The following TRO variants were observed in gnomAD, a reference collection of about 807,000 sequenced individuals.
TRO encodes the protein MAGE superfamily protein.
TRO carries 29 observed loss-of-function variants against 42.3 expected under a neutral mutation model. The observed-to-expected ratio is 0.68, with a 90% CI of 0.51 to 0.93. The LOEUF (loss-of-function observed/expected upper bound fraction) is 0.93. TRO is among the 40% of genes least tolerant of loss of function. TRO has a pLI of 0.00. For synonymous variants in TRO, 384 were observed against 425.2 expected (o/e 0.90, Z 1.19); for missense variants, 963 against 1,127.7 (o/e 0.85, Z 2.09).
chrX:54,923,412 G>A lies in TRO; in HGVS notation c.880G>A (p.Ala294Thr), dbSNP rs1444373283. 1.7e-6 allele frequency: 2 copies of A among 1,198,051 alleles called. No individual in the cohort carries two copies. Among genetic ancestry groups the A allele is most frequent in the African/African-American group, 3.5e-5 (2 of 57,084 alleles). Reference protein sequence around the residue: ...ATRQIEASVVAIRPKKSKGKK... With the variant: ...ATRQIEASVVTIRPKKSKGKK... ...CAGGCAGATTGAGGCCTCAGTAGTG[G>A]CTATCAGGCCCAAAAAATCCAAGGG... The change falls in exon 3 of 13, where the codon GCT becomes ACT. Residue 294 changes from alanine (A) to threonine (T), a missense_variant. Physicochemically the swap from Ala to Thr is moderately conservative, Grantham distance 58. Coordinates refer to ENST00000173898, the MANE Select transcript of TRO (RefSeq NM_001039705.3).
At position 54,925,689 on chromosome X, in the gene TRO, C is replaced by A; in HGVS notation, c.1577+6C>A. ...TCTGCAGGCATACTGGGAACGTAAGCTGGGAAAGGGCTGGAGTGGGAAGGA... is the reference window on the plus strand; with the variant it reads ...TCTGCAGGCATACTGGGAACGTAAGATGGGAAAGGGCTGGAGTGGGAAGGA... On this transcript the variant is annotated splice_donor_region_variant and intron_variant, in intron 7 of 12. Coordinates refer to ENST00000173898, the MANE Select transcript of TRO (RefSeq NM_001039705.3). The A allele has an allele frequency of 8.4e-7, 1 of 1,193,390 alleles. No individual in the cohort carries two copies. The highest frequency in any genetic ancestry group is 1.1e-6 in the Non-Finnish European group (1 of 879,575).
chrX:54,924,785 C>T, intron 5 of TRO, 52 bp downstream of exon 5: 1 of 1,143,583 alleles, frequency 8.7e-7, no homozygotes, highest in Non-Finnish European at 1.2e-6. Flanking sequence ...CTCCCCTCTC[C>T]TCCCATAGTC....
chrX:54,923,009 T>C lies in TRO; in HGVS notation c.477T>C (p.His159=). Residue 159 remains histidine (H), a synonymous_variant, in exon 3 of 13, where the codon CAT becomes CAC. Transcript: ENST00000173898. ...AAQGSQSPTG[H]EGGTIQLKSP... is the part of the protein sequence containing the mutation. ...AAGGCTCCCAATCCCCAACTGGCCA[T>C]GAGGGTGGCACTATACAGCTGAAGT... 8.3e-7 allele frequency: 1 copy of C among 1,212,107 alleles called. No homozygotes were observed. Among genetic ancestry groups the C allele is most frequent in the Non-Finnish European group, 1.1e-6 (1 of 895,621 alleles).
chrX:54,926,235 C>A (rs1477880615), intron 7 of TRO, among the ~76,000 whole-genome samples, 175 bp from the exon 8 acceptor site: 2 of 112,351 alleles, frequency 1.8e-5, no homozygotes, highest in Non-Finnish European at 3.8e-5. Context: ...GTGCCTTGCC[C>A]AGGGTGGCAT....
chrX:54,930,781 A>G lies in TRO; in HGVS notation c.4057A>G (p.Thr1353Ala). 8.2e-7 allele frequency: 1 copy of G among 1,212,274 alleles called. No homozygotes were observed. The highest frequency in any genetic ancestry group is 1.1e-6 in the Non-Finnish European group (1 of 895,576). ...TSTGFTGEPS[T>A]STGFSSGPSS... The stretch of plus-strand genomic sequence containing the variant: ...CACTGGCTTTACTGGCGAACCCAGC[A>G]CCAGCACGGGCTTCAGTAGTGGACC... Residue 1353 changes from threonine (T) to alanine (A), a missense_variant, in exon 12 of 13, where the codon ACC becomes GCC. By Grantham distance (58) the Thr-to-Ala change is moderately conservative. Around this residue, in one of 2 missense-constraint regions of TRO, gnomAD observed 641 missense variants for 811.3 expected, o/e 0.79. Coordinates refer to ENST00000173898, the MANE Select transcript of TRO (RefSeq NM_001039705.3).
At position 54,929,802 on chromosome X, in the gene TRO, T is replaced by C. The variant is rs1234748536; in HGVS notation, c.3078T>C (p.Asn1026=). The part of the protein sequence containing the change: ...SVSFGSALNT[N]AGYGGAVSTN... ...GCTTTGGCAGTGCACTCAACACCAATGCTGGTTATGGTGGTGCTGTCAGCA... is the reference window on the plus strand; with the variant it reads ...GCTTTGGCAGTGCACTCAACACCAACGCTGGTTATGGTGGTGCTGTCAGCA... Residue 1026 remains asparagine (N), a synonymous_variant, in exon 12 of 13, where the codon AAT becomes AAC. Transcript: ENST00000173898. 1.2e-5 allele frequency: 15 copies of C among 1,209,417 alleles called. No homozygotes were observed. The highest frequency in any genetic ancestry group is 1.7e-5 in the Non-Finnish European group (15 of 894,622).
Position 54,922,643 on chromosome X carries a change from A to C in TRO, c.111A>C (p.Thr37=). The change falls in exon 3 of 13, where the codon ACA becomes ACC. Residue 37 remains threonine, a synonymous_variant. Coordinates refer to ENST00000173898, the MANE Select transcript of TRO (RefSeq NM_001039705.3). ...CTCCAGATATACAGACTGAGACCAC[A>C]GAAGAGGACAGTGTCCTGCTGATGC... ...PFPPDIQTET[T]EEDSVLLMHT... 8.3e-7 allele frequency: 1 copy of C among 1,211,449 alleles called. No individual in the cohort carries two copies. Among genetic ancestry groups the C allele is most frequent in the Non-Finnish European group, 1.1e-6 (1 of 895,422 alleles).
chrX:54,929,060 G>C lies in TRO; in HGVS notation c.2336G>C (p.Gly779Ala), dbSNP rs1428269982. ...AATACAGCCAGCATTAGCTTTGGTG[G>C]TACACTGAGCACTAGCTCCAGCTTC... ...FSNTASISFGGTLSTSSSFSS... is the reference protein window; with the variant it reads ...FSNTASISFGATLSTSSSFSS... The change falls in exon 12 of 13, where the codon GGT becomes GCT. Residue 779 changes from glycine to alanine, a missense_variant. Around this residue, in one of 2 missense-constraint regions of TRO, gnomAD observed 641 missense variants for 811.3 expected, o/e 0.79. Coordinates refer to ENST00000173898, the MANE Select transcript of TRO (RefSeq NM_001039705.3). The C allele has an allele frequency of 8.2e-7, 1 of 1,212,245 alleles. No homozygotes were observed.
At position 54,922,685 on chromosome X, in the gene TRO, A is replaced by T; in HGVS notation, c.153A>T (p.Ala51=). The T allele has an allele frequency of 8.3e-7, 1 of 1,211,294 alleles. No individual in the cohort carries two copies. The highest frequency in any genetic ancestry group is 1.1e-6 in the Non-Finnish European group (1 of 895,312). Residue 51 remains alanine (A), a synonymous_variant, in exon 3 of 13, where the codon GCA becomes GCT. Coordinates refer to ENST00000173898, the MANE Select transcript of TRO (RefSeq NM_001039705.3). ...TGCTGATGCATACCCTGTTGGCGGC[A>T]ACCAAGGACTCCCTGGCCATGGACC... ...SVLLMHTLLA[A]TKDSLAMDPP...
Position 54,930,929 on chromosome X carries a change from C to T in TRO, c.4205C>T (p.Thr1402Ile). The change falls in exon 12 of 13, where the codon ACT becomes ATT. Residue 1402 changes from threonine (T) to isoleucine (I), a missense_variant. Physicochemically the swap from Thr to Ile is moderately conservative, Grantham distance 89 (BLOSUM62 -1). This residue lies in a region of TRO where 641 missense variants were observed against 811.3 expected (regional missense o/e 0.79). Transcript: ENST00000173898. ...TGAGFGGGPN[T>I]GAGFGGGPST... ...GCTGGCTTCGGCGGTGGACCAAACA[C>T]TGGTGCTGGCTTTGGTGGTGGACCG... is the stretch of plus-strand genomic sequence containing the variant. 2 of 1,210,631 alleles carry T rather than the reference C, an allele frequency of 1.7e-6. No individual in the cohort carries two copies. The highest frequency in any genetic ancestry group is 2.2e-6 in the Non-Finnish European group (2 of 894,810).
chrX:54,923,306 C>G lies in TRO; in HGVS notation c.774C>G (p.Ser258=), dbSNP rs965479285. 1.2e-5 allele frequency: 15 copies of G among 1,209,591 alleles called. No individual in the cohort carries two copies. The highest frequency in any genetic ancestry group is 1.7e-5 in the Non-Finnish European group (15 of 895,044). The stretch of plus-strand genomic sequence containing the variant: ...CCTCCATCCGAACCAAGAAAGCCTC[C>G]AAAGCCAGGAAGACAATTGCTAAGG... ...TAASIRTKKA[S]KARKTIAKVI... is the part of the protein sequence containing the mutation. The change falls in exon 3 of 13, where the codon TCC becomes TCG. Residue 258 remains serine (S), a synonymous_variant. Coordinates refer to ENST00000173898, the MANE Select transcript of TRO (RefSeq NM_001039705.3).
Position 54,930,353 on chromosome X carries a change from G to A in TRO, c.3629G>A (p.Gly1210Asp), listed in dbSNP as rs1933026468. ...GGGTTAAGCACCAATGCTGGATTTGGTGGTGGACTGAACACCAGTGCTGGC... is the reference window on the plus strand; with the variant it reads ...GGGTTAAGCACCAATGCTGGATTTGATGGTGGACTGAACACCAGTGCTGGC... ...GNGLSTNAGFGGGLNTSAGFG... is the reference protein window; with the variant it reads ...GNGLSTNAGFDGGLNTSAGFG... The change falls in exon 12 of 13, where the codon GGT (glycine) becomes GAT (aspartate). Residue 1210 changes from glycine (G) to aspartate (D), a missense_variant. Transcript: ENST00000173898. The A allele has an allele frequency of 3.3e-6, 4 of 1,212,356 alleles. No individual in the cohort carries two copies. Among genetic ancestry groups the A allele is most frequent in the Non-Finnish European group, 3.3e-6 (3 of 895,625 alleles).
Position 54,931,403 on chromosome X carries a change from T to G in TRO, c.*211T>G. The G allele has an allele frequency of 8.8e-7, 1 of 1,131,735 alleles. No individual in the cohort carries two copies. Among genetic ancestry groups the G allele is most frequent in the East Asian group, 3.0e-5 (1 of 33,284 alleles). 93.3% of individuals were successfully genotyped at this position (1,131,735 alleles called of 1,213,427 possible). On this transcript the variant is annotated 3_prime_UTR_variant, in exon 13 of 13. Coordinates refer to ENST00000173898, the MANE Select transcript of TRO (RefSeq NM_001039705.3). Reference sequence around the variant, plus strand: ...TTCTGTGTGCTGTCATATTTTGGTATCAGAGTTACATTAAATTTGCAAAAT... The same window carrying G: ...TTCTGTGTGCTGTCATATTTTGGTAGCAGAGTTACATTAAATTTGCAAAAT...
rs377101973 is a variant in TRO, at chrX:54,926,618, C to T, written c.1693C>T (p.Arg565Cys). 23 of 1,209,992 alleles carry T rather than the reference C, an allele frequency of 1.9e-5. No individual in the cohort carries two copies. The highest frequency in any genetic ancestry group is 3.5e-5 in the South Asian group (2 of 56,770). ...GGAGGTGCTGCGCAAGTTGGGGCTG[C>T]GCCCTGGGTATGACTGGGCTCTCTC... ...IWEVLRKLGL[R>C]PGVRHSLFGE... The change falls in exon 9 of 13, where the codon CGC (arginine) becomes TGC (cysteine). Residue 565 changes from arginine to cysteine, a missense_variant. By Grantham distance (180) the Arg-to-Cys change is radical. This residue lies in a region of TRO where 641 missense variants were observed against 811.3 expected (regional missense o/e 0.79). Transcript: ENST00000173898.
rs1602133733 is a variant in TRO at position 54,923,492 on chromosome X, A to G, written c.960A>G (p.Pro320=). Residue 320 remains proline (P), a synonymous_variant, in exon 3 of 13, where the codon CCA becomes CCG. Coordinates refer to ENST00000173898, the MANE Select transcript of TRO (RefSeq NM_001039705.3). ...CTGTCTCTGAGATCTCTGAGGCCCC[A>G]CTTGCCACTCAGATAGTCACAAACC... ...PNSVSEISEA[P]LATQIVTNQA... 1 of 1,186,609 alleles carries G rather than the reference A, an allele frequency of 8.4e-7. No homozygotes were observed. The highest frequency in any genetic ancestry group is 1.1e-6 in the Non-Finnish European group (1 of 882,047).
At position 54,923,861 on chromosome X, in the gene TRO, T is replaced by G. The variant is rs1023749243; in HGVS notation, c.1236+93T>G. On this transcript the variant is annotated intron_variant, in intron 3 of 12. Coordinates refer to ENST00000173898, the MANE Select transcript of TRO (RefSeq NM_001039705.3). ...CATTTCTTCTATAAAAGTTTTACTT[T>G]GAGCTAGTCCCTGTGTTCAGATAGG... 3.3e-6 allele frequency: 3 copies of G among 915,264 alleles called. No individual in the cohort carries two copies. In the African/African-American group the frequency reaches 6.0e-5, roughly 18 times the overall value. The allele number at this position is 915,264 out of a possible 1,213,427, so 75.4% of individuals were successfully genotyped here. A position where few individuals can be genotyped will look rare whatever the true frequency, so the allele number is the denominator to read the frequency against.
rs1202772175 is a variant in TRO, at chrX:54,930,678, C to A, written c.3954C>A (p.Gly1318=). ...GFSGGLSTSD[G]FGSRPNASFD... is the part of the protein sequence containing the mutation. ...GTGGTGGCCTCAGCACCAGCGATGG[C>A]TTTGGCAGTAGGCCTAATGCCAGCT... Residue 1318 remains glycine (G), a synonymous_variant, in exon 12 of 13, where the codon GGC becomes GGA. Coordinates refer to ENST00000173898, the MANE Select transcript of TRO (RefSeq NM_001039705.3). 8.2e-7 allele frequency: 1 copy of A among 1,212,283 alleles called. No individual in the cohort carries two copies. Among genetic ancestry groups the A allele is most frequent in the East Asian group, 3.0e-5 (1 of 33,870 alleles).
At position 54,924,721 on chromosome X, in the gene TRO, A is replaced by G; in HGVS notation, c.1393A>G (p.Ile465Val). 8.3e-7 allele frequency: 1 copy of G among 1,211,427 alleles called. No homozygotes were observed. The highest frequency in any genetic ancestry group is 1.8e-5 in the South Asian group (1 of 56,945). The change falls in exon 5 of 13, where the codon ATC (isoleucine) becomes GTC (valine). Residue 465 changes from isoleucine (I) to valine (V), a missense_variant. Ile to Val is a conservative substitution (Grantham distance 29). Coordinates refer to ENST00000173898, the MANE Select transcript of TRO (RefSeq NM_001039705.3). ...LLVKDQTKIP[I>V]KRSDMLRDVI... ...GGTTAAGGACCAGACAAAGATCCCC[A>G]TCAAACGCTCAGGTAGTGTCCTACC...
chrX:54,922,398 G>T, intron 2 of TRO, 107 bp downstream of exon 2: 1 of 995,677 alleles, frequency 1.0e-6, no homozygotes. Flanking sequence ...TGCCTAACTC[G>T]TCTCAGTCCT....
Sources: allele counts gnomAD v4.1 joint callset (sites outside exome capture counted in the v4.1 genomes callset), GRCh38; gene constraint gnomAD v4.1.1; regional missense constraint gnomAD v4.1.1; transcripts MANE v1.5; gene names NCBI Gene and HGNC (gene_info 2026-07-23, HGNC 2026-07-21).